LRSAM1: variants seen among roughly 807,000 people sequenced by gnomAD.
The protein encoded by LRSAM1 is leucine rich repeat and sterile alpha motif containing 1.
In LRSAM1, 96 loss-of-function variants were observed where a neutral mutation model predicts 118.1. The ratio of observed to expected loss-of-function variants is 0.81; its 90% CI spans 0.69 to 0.96. The LOEUF (loss-of-function observed/expected upper bound fraction) is 0.96, where lower values mean the gene tolerates loss of function less well. LRSAM1 is among the 40% of genes least tolerant of loss of function. The pLI, the probability that LRSAM1 is intolerant of heterozygous loss-of-function variation, is 0.00. For missense variants in LRSAM1, 804 were observed against 915.5 expected (o/e 0.88, Z 1.57); for synonymous variants, 322 against 364.2 (o/e 0.88, Z 1.32).
Position 127,454,612 on chromosome 9 carries a change from G to C in LRSAM1, c.72+13G>C. 6.2e-7 allele frequency: 1 copy of C among 1,613,004 alleles called. No individual in the cohort carries two copies. Among genetic ancestry groups the C allele is most frequent in the South Asian group, 1.1e-5 (1 of 90,960 alleles). On this transcript the variant is annotated intron_variant, in intron 3 of 25. Coordinates refer to ENST00000300417, the MANE Select transcript of LRSAM1 (RefSeq NM_001005373.4). ...CCAGATGTGTTTGGTGAGGGAAAGT[G>C]GGTTTCCTCTAACTCTATCCCATCT...
chr9:127,458,916 G>A (rs1386045536), intron 6 of LRSAM1, 87 bp from the exon 7 acceptor site: 5 of 1,315,592 alleles, frequency 3.8e-6, no homozygotes, highest in Non-Finnish European at 5.5e-6. Context: ...GGGGTGTGAG[G>A]TGGCCCCAGC....
intron 25 of LRSAM1, among the ~76,000 whole-genome samples, chr9:127,501,525 A>G (rs1836393511): frequency 6.6e-6 from 1 of 152,126 alleles, no homozygotes; most frequent in African/African-American, 2.4e-5. Flanking sequence ...TGAGGTCAGG[A>G]GTTTGAGGCC....
At chr9:127,466,446 A>G (rs1588105524) in intron 9 of LRSAM1, among the ~76,000 whole-genome samples, 1 of 141,156 alleles carries the variant, frequency 7.1e-6, no homozygotes, top group Non-Finnish European at 1.5e-5. Flanking sequence ...AATATATTAT[A>G]TGAATATATT....
chr9:127,461,270 A>C lies in LRSAM1; in HGVS notation c.406+13A>C. 6.2e-7 allele frequency: 1 copy of C among 1,608,412 alleles called. No homozygotes were observed. Among genetic ancestry groups the C allele is most frequent in the Non-Finnish European group, 8.5e-7 (1 of 1,175,826 alleles). On this transcript the variant is annotated intron_variant, in intron 8 of 25. Transcript: ENST00000300417. ...CTCAATGTTAAAGGTAGGGACCAAG[A>C]AGCCGTGTCCGTGTGACCCTCCATC...
intron 6 of LRSAM1, among the ~76,000 whole-genome samples, chr9:127,458,539 C>T (rs1834614744): frequency 6.6e-6 from 1 of 152,090 alleles, no homozygotes; most frequent in Non-Finnish European, 1.5e-5. Context: ...GAGGTCGTGC[C>T]ACTGCACTCC....
intron 5 of LRSAM1, 74 bp from the exon 6 acceptor site, chr9:127,457,242 G>A: frequency 6.4e-7 from 1 of 1,556,172 alleles, no homozygotes; most frequent in Non-Finnish European, 8.8e-7. Context: ...GCGCTGGGCT[G>A]GCTCCCACGC....
intron 2 of LRSAM1, among the ~76,000 whole-genome samples, chr9:127,452,933 A>C (rs1231170976): frequency 6.6e-6 from 1 of 152,210 alleles, no homozygotes; most frequent in Non-Finnish European, 1.5e-5. Flanking sequence ...AGGACAGTGT[A>C]CTTCGTGTGT....
At chr9:127,498,429 C>T (rs1040131873) in intron 24 of LRSAM1, among the ~76,000 whole-genome samples, 13 of 152,242 alleles carry the variant, frequency 8.5e-5, no homozygotes, top group Admixed American at 5.2e-4. Flanking sequence ...ACAAGCCTCA[C>T]GTGAGCAGGA....
intron 11 of LRSAM1, among the ~76,000 whole-genome samples, chr9:127,475,588 C>T (rs1835323330): frequency 6.6e-6 from 1 of 152,178 alleles, no homozygotes; most frequent in Admixed American, 6.5e-5. Flanking sequence ...AATACCATTT[C>T]CTTCCTCAAG....
chr9:127,481,701 C>T (rs1036051266), intron 15 of LRSAM1, among the ~76,000 whole-genome samples: 2 of 152,114 alleles, frequency 1.3e-5, no homozygotes, highest in African/African-American at 4.8e-5. Context: ...ACGTACACTC[C>T]TGAAAAACAT....
chr9:127,476,959 G>T (rs1300743185), intron 11 of LRSAM1, among the ~76,000 whole-genome samples: 1 of 152,208 alleles, frequency 6.6e-6, no homozygotes, highest in Non-Finnish European at 1.5e-5. Flanking sequence ...TTACAGGCAT[G>T]AGCCACCGCG....
intron 24 of LRSAM1, among the ~76,000 whole-genome samples, chr9:127,497,861 G>A (rs1836214492): frequency 6.6e-6 from 1 of 152,250 alleles, no homozygotes; most frequent in Admixed American, 6.5e-5. Context: ...CCACCGCTGT[G>A]CATGAACCAC....
At position 127,465,533 on chromosome 9, in the gene LRSAM1, A is replaced by G. The variant is rs1482014761; in HGVS notation, c.529-2207A>G. 6.6e-6 allele frequency among the ~76,000 whole-genome samples: 1 copy of G among 152,160 alleles called. No individual in the cohort carries two copies. The highest frequency in any genetic ancestry group is 1.5e-5 in the Non-Finnish European group (1 of 68,026). ...ATGTGGGGTTCATTTGCTTCCAGGTATGGGGTTTTCTGCTGTTGGGCCCTC... is the reference window on the plus strand; with the variant it reads ...ATGTGGGGTTCATTTGCTTCCAGGTGTGGGGTTTTCTGCTGTTGGGCCCTC... On this transcript the variant is annotated intron_variant, in intron 9 of 25. Transcript: ENST00000300417. The surrounding 1 kb of genome is among the most constrained non-coding windows in gnomAD (Gnocchi z 4.1).
chr9:127,489,577 TCCAGGG>T lies in LRSAM1; in HGVS notation c.1422+61_1422+66del, dbSNP rs1244634511. On this transcript the variant is annotated intron_variant, in intron 19 of 25. Coordinates refer to ENST00000300417, the MANE Select transcript of LRSAM1 (RefSeq NM_001005373.4). Reference sequence around the variant, plus strand: ...CTCTCAGAGACTTGCAGAGTGGCCCTCCAGGGCGGCAGGTCGCAGCAGTTGAGGTTT... The same window carrying T: ...CTCTCAGAGACTTGCAGAGTGGCCCTCGGCAGGTCGCAGCAGTTGAGGTTT... The T allele has an allele frequency of 2.6e-6, 4 of 1,553,250 alleles. No homozygotes were observed. In the East Asian group the frequency reaches 9.3e-5, roughly 36 times the overall value.
At chr9:127,487,541 C>T (rs184631604) in intron 17 of LRSAM1, 135 bp from the exon 18 acceptor site, 189 of 778,392 alleles carry the variant, frequency 2.4e-4, no homozygotes, top group Non-Finnish European at 3.4e-4. Context: ...ACCCAGGGCC[C>T]GGCTCCCAGC....
intron 9 of LRSAM1, among the ~76,000 whole-genome samples, chr9:127,463,452 G>C (rs1834824399): frequency 6.6e-6 from 1 of 152,062 alleles, no homozygotes; most frequent in Non-Finnish European, 1.5e-5. Context: ...CCAAGATCAA[G>C]GTGTTGGCAG....
intron 5 of LRSAM1, 112 bp downstream of exon 5, chr9:127,455,732 C>G: frequency 1.0e-6 from 1 of 1,004,874 alleles, no homozygotes; most frequent in South Asian, 1.3e-5. Flanking sequence ...TTTCTCTCTG[C>G]TTCTTATGCT....
In LRSAM1 at chr9:127,466,510, T is replaced by TA. The variant is rs1564258912; in HGVS notation, c.529-1230_529-1229insA. On this transcript the variant is annotated intron_variant, in intron 9 of 25. Transcript: ENST00000300417. Reference sequence around the variant, plus strand: ...TATATATATATATATATATATTTTTTTTTTTTTTTTTTTTTTTTTTCCACT... The same window carrying TA: ...TATATATATATATATATATATTTTTTATTTTTTTTTTTTTTTTTTTTCCACT... 3.3e-3 allele frequency among the ~76,000 whole-genome samples: 199 copies of TA among 60,226 alleles called. 8 individuals carry two copies. The highest frequency in any genetic ancestry group is 0.016 in the African/African-American group (191 of 12,252). 39.5% of individuals were successfully genotyped at this position (60,226 alleles called of 152,430 possible).
intron 11 of LRSAM1, among the ~76,000 whole-genome samples, chr9:127,476,148 CA>C (rs1282232904): frequency 1.3e-5 from 2 of 152,318 alleles, no homozygotes; most frequent in African/African-American, 4.8e-5. Context: ...GTGTTTATTG[CA>C]GCCTTATTTG....
Sources: gnomAD v4.1 joint callset for allele counts (sites outside exome capture counted in the v4.1 genomes callset) on GRCh38, gnomAD v4.1.1 for gene constraint, Gnocchi (gnomAD v3.1) non-coding constraint, MANE v1.5 for transcripts, NCBI Gene and HGNC (gene_info 2026-07-23, HGNC 2026-07-21) for gene names.